The following POLR2C variants were observed in gnomAD, a reference collection of about 807,000 sequenced individuals.
POLR2C encodes RNA polymerase II subunit C, also known as DNA-directed RNA polymerase II subunit RPB3.
POLR2C carries 36 observed loss-of-function variants against 41.7 expected under a neutral mutation model. The observed-to-expected ratio is 0.86, with a 90% CI of 0.66 to 1.14. The LOEUF is 1.14. Among genes scored for constraint, POLR2C ranks in the 50% most tolerant of loss-of-function variants. POLR2C has a pLI of 0.00. For synonymous variants in POLR2C, 133 were observed against 137.8 expected (o/e 0.96, Z 0.25); for missense variants, 260 against 350.4 (o/e 0.74, Z 2.06).
At chr16:57,466,676 A>G (rs1273101338) in intron 4 of POLR2C, among the ~76,000 whole-genome samples, 1 of 151,542 alleles carries the variant, frequency 6.6e-6, no homozygotes, top group African/African-American at 2.4e-5. Context: ...ACATGGCCAC[A>G]CTCTTAGTGT....
rs769052876 is a variant in POLR2C at position 57,462,822 on chromosome 16, G to A, written c.86+12G>A. 16 of 1,598,324 alleles carry A rather than the reference G, an allele frequency of 1.0e-5. 1 individual carries two copies. Among genetic ancestry groups the A allele is most frequent in the South Asian group, 4.5e-5 (4 of 89,516 alleles). On this transcript the variant is annotated intron_variant, in intron 1 of 8. Transcript: ENST00000219252. ...AACACCGACCTGGCGTAAGGCTACC[G>A]AGGGAAGAGGCTGGCGGCTCTGGGG...
chr16:57,471,842 C>T lies in POLR2C; in HGVS notation c.*723C>T, dbSNP rs1184991744. The T allele has an allele frequency of 6.6e-6, 1 of 152,404 alleles. No homozygotes were observed. Among genetic ancestry groups the T allele is most frequent in the Non-Finnish European group, 1.5e-5 (1 of 68,066 alleles). 9.4% of individuals were successfully genotyped at this position (152,404 alleles called of 1,614,324 possible). On this transcript the variant is annotated 3_prime_UTR_variant, in exon 9 of 9. Transcript: ENST00000219252. ...TTTCTCCTTAATGAAGGCTCTGGCC[C>T]TAACCCCTCAGCACTGTCTCCAGAT...
At chr16:57,463,833 C>T in intron 2 of POLR2C, 1 of 318,082 alleles carries the variant, frequency 3.1e-6, no homozygotes, top group Admixed American at 4.5e-5. Flanking sequence ...ATCCCAGCTA[C>T]TGGGGAGGCT....
intron 2 of POLR2C, chr16:57,463,361 A>G (rs2146597745): frequency 3.5e-6 from 2 of 563,380 alleles, no homozygotes; most frequent in African/African-American, 1.9e-5. Context: ...TTTCACTACT[A>G]TTGTTACAAA....
rs1165038328 is a variant in POLR2C, at chr16:57,469,512, GC to G, written c.388-196del. 1.4e-6 allele frequency: 1 copy of G among 727,578 alleles called. No homozygotes were observed. The highest frequency in any genetic ancestry group is 2.4e-6 in the Non-Finnish European group (1 of 416,438). 45.1% of individuals were successfully genotyped at this position (727,578 alleles called of 1,614,324 possible). A position where few individuals can be genotyped will look rare whatever the true frequency, so the allele number is the denominator to read the frequency against. On this transcript the variant is annotated intron_variant, in intron 5 of 8. Coordinates refer to ENST00000219252, the MANE Select transcript of POLR2C (RefSeq NM_032940.3). This position sits in a 1 kb window ranked among gnomAD's most constrained non-coding sequence, Gnocchi z 5.8. ...CTATCACCCAGGGACTCTTTTAAAG[GC>G]CATGGAATTGTTTTGCCTGAGGCTA...
chr16:57,471,151 A>G lies in POLR2C; in HGVS notation c.*32A>G. Reference sequence around the variant, plus strand: ...CTTGCCTGCTTCAGCAAAAACGGAGATTCAGGCCAGCAGCTGGATATGGGG... The same window carrying G: ...CTTGCCTGCTTCAGCAAAAACGGAGGTTCAGGCCAGCAGCTGGATATGGGG... On this transcript the variant is annotated 3_prime_UTR_variant, in exon 9 of 9. Coordinates refer to ENST00000219252, the MANE Select transcript of POLR2C (RefSeq NM_032940.3). 1 of 1,603,104 alleles carries G rather than the reference A, an allele frequency of 6.2e-7. No homozygotes were observed. The highest frequency in any genetic ancestry group is 8.5e-7 in the Non-Finnish European group (1 of 1,170,458).
At chr16:57,466,716 T>C (rs1474900133) in intron 4 of POLR2C, among the ~76,000 whole-genome samples, 1 of 152,102 alleles carries the variant, frequency 6.6e-6, no homozygotes, top group East Asian at 1.9e-4. Context: ...TCGTGTTTGC[T>C]CCCTGATGGC....
rs1410216910 is a variant in POLR2C, at chr16:57,469,886, C to G, written c.440-75C>G. The G allele has an allele frequency of 6.4e-7, 1 of 1,574,160 alleles. No individual in the cohort carries two copies. The highest frequency in any genetic ancestry group is 8.7e-7 in the Non-Finnish European group (1 of 1,144,456). On this transcript the variant is annotated intron_variant, in intron 6 of 8. Transcript: ENST00000219252. This position sits in a 1 kb window ranked among gnomAD's most constrained non-coding sequence, Gnocchi z 5.8. ...GTTTTTCCAGATGTGTGTGGTCTTG[C>G]AGTGGCACTCCAAGTCAGAATTTGG...
chr16:57,467,712 C>T (rs998483534), intron 4 of POLR2C, among the ~76,000 whole-genome samples: 1 of 152,226 alleles, frequency 6.6e-6, no homozygotes, highest in Non-Finnish European at 1.5e-5. Context: ...CTTCAGCATG[C>T]ATTTCCTAAT....
At position 57,471,257 on chromosome 16, in the gene POLR2C, A is replaced by T. The variant is rs2030830570; in HGVS notation, c.*138A>T. ...TCTTGGCAGGACATCAGTACCAACTAGAAGTGGGTCATAGATAGATTACCA... is the reference window on the plus strand; with the variant it reads ...TCTTGGCAGGACATCAGTACCAACTTGAAGTGGGTCATAGATAGATTACCA... On this transcript the variant is annotated 3_prime_UTR_variant, in exon 9 of 9. Coordinates refer to ENST00000219252, the MANE Select transcript of POLR2C (RefSeq NM_032940.3). 1.4e-6 allele frequency: 1 copy of T among 704,894 alleles called. No homozygotes were observed. The highest frequency in any genetic ancestry group is 2.3e-5 in the Admixed American group (1 of 42,778). 43.7% of individuals were successfully genotyped at this position (704,894 alleles called of 1,614,324 possible).
intron 4 of POLR2C, among the ~76,000 whole-genome samples, chr16:57,468,702 AGGTT>A (rs2030762429): frequency 6.6e-6 from 1 of 152,220 alleles, no homozygotes; most frequent in African/African-American, 2.4e-5. Context: ...TTTTTAGAAA[AGGTT>A]AGTGTAGAAC....
At position 57,466,244 on chromosome 16, in the gene POLR2C, G is replaced by C. The variant is rs770754323; in HGVS notation, c.258+17G>C. 8 of 1,544,180 alleles carry C rather than the reference G, an allele frequency of 5.2e-6. No individual in the cohort carries two copies. The Admixed American group carries it at 6.3e-5, about 12-fold the overall frequency. On this transcript the variant is annotated intron_variant, in intron 4 of 8. Coordinates refer to ENST00000219252, the MANE Select transcript of POLR2C (RefSeq NM_032940.3). ...TACTCTCGGGTATGTTGTGTGATTG[G>C]GTGGAATGTGAGGTTTGGTGGGGAG... is the stretch of plus-strand genomic sequence containing the variant.
chr16:57,470,387 T>C (rs866987751), intron 8 of POLR2C, 33 bp downstream of exon 8: 15 of 1,525,576 alleles, frequency 9.8e-6, no homozygotes, highest in Middle Eastern at 1.7e-4. Context: ...GAAGGTGAAG[T>C]GTGGAAGAAG....
Position 57,470,264 on chromosome 16 carries a change from C to T in POLR2C, c.609-16C>T. 1 of 1,612,366 alleles carries T rather than the reference C, an allele frequency of 6.2e-7. No homozygotes were observed. The highest frequency in any genetic ancestry group is 8.5e-7 in the Non-Finnish European group (1 of 1,178,932). On this transcript the variant is annotated splice_polypyrimidine_tract_variant and intron_variant, in intron 7 of 8. Coordinates refer to ENST00000219252, the MANE Select transcript of POLR2C (RefSeq NM_032940.3). ...GGAGCAGTGGCAACCTTGTGCTGACCTGTGTTTGACCTCAGGCCAAAGAGT... is the reference window on the plus strand; with the variant it reads ...GGAGCAGTGGCAACCTTGTGCTGACTTGTGTTTGACCTCAGGCCAAAGAGT...
At chr16:57,466,559 A>C (rs2030713502) in intron 4 of POLR2C, among the ~76,000 whole-genome samples, 1 of 152,152 alleles carries the variant, frequency 6.6e-6, no homozygotes, top group African/African-American at 2.4e-5. Context: ...TGGGGTAGGC[A>C]AGGAGCAGAG....
Position 57,469,150 on chromosome 16 carries a change from C to A in POLR2C, c.259-15C>A. 1 of 1,607,780 alleles carries A rather than the reference C, an allele frequency of 6.2e-7. No homozygotes were observed. Among genetic ancestry groups the A allele is most frequent in the Non-Finnish European group, 8.5e-7 (1 of 1,174,782 alleles). ...ATCTCCCTTTGACTCATTCCTGCTT[C>A]CCTTCCTGCCTTAGGACTGCACATG... On this transcript the variant is annotated splice_polypyrimidine_tract_variant and intron_variant, in intron 4 of 8. Coordinates refer to ENST00000219252, the MANE Select transcript of POLR2C (RefSeq NM_032940.3). This position sits in a 1 kb window ranked among gnomAD's most constrained non-coding sequence, Gnocchi z 5.8.
chr16:57,468,295 G>A (rs182531610), intron 4 of POLR2C, among the ~76,000 whole-genome samples: 141 of 152,302 alleles, frequency 9.3e-4, no homozygotes, highest in African/African-American at 3.1e-3. Context: ...GGGATTATAG[G>A]CATGAGCCAC....
chr16:57,470,087 A>G lies in POLR2C; in HGVS notation c.566A>G (p.Asp189Gly). ...GGGGTGGCTTTTGAATACGATCCAG[A>G]CAATGCCCTGAGGCACACAGTGTAC... ...TAGVAFEYDP[D>G]NALRHTVYPK... Residue 189 changes from aspartate (D) to glycine (G), a missense_variant, in exon 7 of 9, where the codon GAC (aspartate) becomes GGC (glycine). Transcript: ENST00000219252. The G allele has an allele frequency of 6.2e-7, 1 of 1,614,138 alleles. No homozygotes were observed. The highest frequency in any genetic ancestry group is 8.5e-7 in the Non-Finnish European group (1 of 1,180,014).
intron 8 of POLR2C, 92 bp from the exon 9 acceptor site, chr16:57,470,883 C>A: frequency 7.7e-7 from 1 of 1,297,140 alleles, no homozygotes; most frequent in Non-Finnish European, 1.1e-6. Context: ...GGGAACAGAG[C>A]CAAGACCCGG....
Sources: allele counts gnomAD v4.1 joint callset (sites outside exome capture counted in the v4.1 genomes callset), GRCh38; gene constraint gnomAD v4.1.1; non-coding constraint Gnocchi (gnomAD v3.1); transcripts MANE v1.5; gene names NCBI Gene and HGNC (gene_info 2026-07-23, HGNC 2026-07-21).